The following PROM1 variants were observed in gnomAD, a reference collection of about 807,000 sequenced individuals.
PROM1 encodes the protein prominin 1.
Under a neutral mutation model 116.9 loss-of-function variants are expected in PROM1, and 105 were observed. That is an observed-to-expected ratio of 0.90 (90% CI 0.77 to 1.06). The LOEUF is 1.06. PROM1 is among the 50% of genes least tolerant of loss of function. PROM1 has a pLI of 0.00. For missense variants in PROM1, 1,122 were observed against 1,045.2 expected (o/e 1.07, Z -1.01); for synonymous variants, 393 against 387.0 (o/e 1.02, Z -0.18).
chr4:16,061,773 A>C (rs1367783690), intron 2 of PROM1, among the ~76,000 whole-genome samples: 2 of 152,096 alleles, frequency 1.3e-5, no homozygotes. Flanking sequence ...GGTCCTTCTG[A>C]AGCCTCTAAA....
chr4:16,069,419 T>A (rs367838352), intron 2 of PROM1, among the ~76,000 whole-genome samples: 3 of 152,346 alleles, frequency 2.0e-5, no homozygotes, highest in African/African-American at 7.2e-5. Flanking sequence ...CTACTCATCA[T>A]CCACATCAGA....
chr4:16,061,657 T>C (rs2149513231), intron 2 of PROM1, among the ~76,000 whole-genome samples: 1 of 152,202 alleles, frequency 6.6e-6, no homozygotes. Flanking sequence ...ATGGGGTGAA[T>C]TAGTTTTCTG....
chr4:16,026,636 T>C (rs1201572680), intron 5 of PROM1, among the ~76,000 whole-genome samples: 1 of 152,180 alleles, frequency 6.6e-6, no homozygotes, highest in Non-Finnish European at 1.5e-5. Flanking sequence ...CCATGTCCCA[T>C]TTCTCCATCC....
intron 5 of PROM1, among the ~76,000 whole-genome samples, chr4:16,030,788 G>A (rs1356802489): frequency 6.6e-6 from 1 of 152,194 alleles, no homozygotes; most frequent in Non-Finnish European, 1.5e-5. Flanking sequence ...GCTCACACCT[G>A]TAATCCTAGC....
chr4:15,992,298 A>C lies in PROM1; in HGVS notation c.1861T>G (p.Phe621Val). ...ATTCTGTCTATTCCACAAGCAGCAAAATCCTGAAGGTTTTTTCTTCCTGCT... is the reference window on the plus strand; with the variant it reads ...ATTCTGTCTATTCCACAAGCAGCAACATCCTGAAGGTTTTTTCTTCCTGCT... Reference protein sequence around the residue: ...GAAGRKNLQDFAACGIDRMNY... With the variant: ...GAAGRKNLQDVAACGIDRMNY... Residue 621 changes from phenylalanine to valine, a missense_variant, in exon 17 of 28, where the codon TTT becomes GTT. By Grantham distance (50) the Phe-to-Val change is conservative (BLOSUM62 -1). Transcript: ENST00000447510. 1 of 1,613,950 alleles carries C rather than the reference A, an allele frequency of 6.2e-7. No homozygotes were observed. Among genetic ancestry groups the C allele is most frequent in the Non-Finnish European group, 8.5e-7 (1 of 1,179,858 alleles).
At chr4:16,035,855 G>T in intron 3 of PROM1, 94 bp from the exon 4 acceptor site, 2 of 1,149,480 alleles carry the variant, frequency 1.7e-6, no homozygotes, top group South Asian at 1.3e-5. Context: ...CCATAACCAA[G>T]AACATTCATA....
chr4:16,038,981 G>T lies in PROM1; in HGVS notation c.241C>A (p.Gln81Lys). 6.7e-7 allele frequency: 1 copy of T among 1,497,302 alleles called. No individual in the cohort carries two copies. Among genetic ancestry groups the T allele is most frequent in the Admixed American group, 2.2e-5 (1 of 45,418 alleles). 92.8% of individuals were successfully genotyped at this position (1,497,302 alleles called of 1,614,324 possible). The change falls in exon 3 of 28, where the codon CAG becomes AAG. Residue 81 changes from glutamine to lysine, a missense_variant. Coordinates refer to ENST00000447510, the MANE Select transcript of PROM1 (RefSeq NM_006017.3). The stretch of plus-strand genomic sequence containing the variant: ...TCAATTTTGGATTCATATGCCTTCT[G>T]TAAGAATTTTCTCAAAGTATCTGGA... ...FPEDTLRKFLQKAYESKIDYD... is the reference protein window; with the variant it reads ...FPEDTLRKFLKKAYESKIDYD...
At chr4:16,047,127 C>T (rs1236335844) in intron 2 of PROM1, among the ~76,000 whole-genome samples, 1 of 152,202 alleles carries the variant, frequency 6.6e-6, no homozygotes, top group Non-Finnish European at 1.5e-5. Context: ...AGGATTTCTT[C>T]CTCCTCAGGA....
rs150390562 is a variant in PROM1 at position 16,043,847 on chromosome 4, T to C, written c.221-4846A>G. Among the ~76,000 whole-genome samples, 172 of 152,194 alleles carry C rather than the reference T, an allele frequency of 1.1e-3. 1 individual carries two copies. The highest frequency in any genetic ancestry group is 3.9e-3 in the African/African-American group (162 of 41,532). ...CTCTCCAGGGTGTGTGGCCTGGGAGTGAGCAGCCCTGTGAACTTCAGTATG... is the reference window on the plus strand; with the variant it reads ...CTCTCCAGGGTGTGTGGCCTGGGAGCGAGCAGCCCTGTGAACTTCAGTATG... On this transcript the variant is annotated intron_variant, in intron 2 of 27. Coordinates refer to ENST00000447510, the MANE Select transcript of PROM1 (RefSeq NM_006017.3).
chr4:16,068,155 G>A (rs1741978618), intron 2 of PROM1, among the ~76,000 whole-genome samples: 1 of 152,154 alleles, frequency 6.6e-6, no homozygotes, highest in African/African-American at 2.4e-5. Context: ...GTCACTGAGT[G>A]CCCTGAGAGA....
At chr4:16,035,662 TCA>T in intron 4 of PROM1, 71 bp downstream of exon 4, 1 of 1,401,078 alleles carries the variant, frequency 7.1e-7, no homozygotes, top group Non-Finnish European at 1.0e-6. Flanking sequence ...TTAAAAATCT[TCA>T]CAGTGAGGAT....
At chr4:16,053,665 C>A (rs1387267911) in intron 2 of PROM1, among the ~76,000 whole-genome samples, 2 of 152,054 alleles carry the variant, frequency 1.3e-5, no homozygotes, top group African/African-American at 4.8e-5. Context: ...TTAAATGCTT[C>A]AGCAAAGAAA....
At chr4:16,031,593 CAG>C (rs1732705001) in intron 5 of PROM1, among the ~76,000 whole-genome samples, 1 of 151,500 alleles carries the variant, frequency 6.6e-6, no homozygotes, top group Non-Finnish European at 1.5e-5. Context: ...TTTGGAGACA[CAG>C]AGAAAGAGAC....
At chr4:15,981,310 C>G (rs1717875117) in intron 23 of PROM1, among the ~76,000 whole-genome samples, 1 of 149,996 alleles carries the variant, frequency 6.7e-6, no homozygotes, top group African/African-American at 2.4e-5. Flanking sequence ...GTGGCTCATT[C>G]CTGTAATCTC....
intron 1 of PROM1, among the ~76,000 whole-genome samples, chr4:16,078,559 C>G (rs182277418): frequency 1.1e-4 from 17 of 152,318 alleles, no homozygotes; most frequent in Admixed American, 1.0e-3. Flanking sequence ...CCCAAGTGTA[C>G]CACTCTTCCT....
intron 2 of PROM1, among the ~76,000 whole-genome samples, chr4:16,045,097 G>A (rs1005189929): frequency 9.2e-5 from 14 of 152,116 alleles, no homozygotes; most frequent in East Asian, 1.9e-4. Flanking sequence ...CTTCCCTGCC[G>A]GCCCTCAGCA....
At position 16,075,776 on chromosome 4, in the gene PROM1, T is replaced by C. The variant is rs1743833536; in HGVS notation, c.131A>G (p.Gln44Arg). The change falls in exon 2 of 28, where the codon CAA (glutamine) becomes CGA (arginine). Residue 44 changes from glutamine to arginine, a missense_variant. Coordinates refer to ENST00000447510, the MANE Select transcript of PROM1 (RefSeq NM_006017.3). ...AATGGGTCCAGCTTTATGGGAGTCT[T>C]GGGTCTCATAATTTGTTGCAGGCAA... The part of the protein sequence containing the change: ...YELPATNYET[Q>R]DSHKAGPIGI... 6.2e-7 allele frequency: 1 copy of C among 1,613,692 alleles called. No individual in the cohort carries two copies. Among genetic ancestry groups the C allele is most frequent in the Non-Finnish European group, 8.5e-7 (1 of 1,179,858 alleles).
At chr4:15,973,540 G>T (rs73230212) in intron 26 of PROM1, among the ~76,000 whole-genome samples, 8,453 of 152,244 alleles carry the variant, frequency 0.056, 358 homozygotes, top group Non-Finnish European at 0.08. Context: ...GACATATTTT[G>T]TTGGGCCCCC....
At chr4:15,969,572 T>G (rs761819442) in intron 27 of PROM1, among the ~76,000 whole-genome samples, 29 of 152,144 alleles carry the variant, frequency 1.9e-4, no homozygotes, top group Non-Finnish European at 3.2e-4. Flanking sequence ...GTGGTTTTTG[T>G]TTATTTATCT....
Sources: gnomAD v4.1 joint callset for allele counts (sites outside exome capture counted in the v4.1 genomes callset) on GRCh38, gnomAD v4.1.1 for gene constraint, MANE v1.5 for transcripts, NCBI Gene and HGNC (gene_info 2026-07-23, HGNC 2026-07-21) for gene names.